The following KCNIP4 variants were observed in gnomAD, a reference collection of about 807,000 sequenced individuals.
KCNIP4 encodes potassium voltage-gated channel interacting protein 4, also known as Kv channel-interacting protein 4.
Under a neutral mutation model 34.0 loss-of-function variants are expected in KCNIP4, and 12 were observed. The observed-to-expected ratio is 0.35, with a 90% CI of 0.23 to 0.57. The LOEUF (loss-of-function observed/expected upper bound fraction) is 0.57. Among genes scored for constraint, KCNIP4 ranks in the 20% least tolerant of loss-of-function variants. The pLI, the probability that KCNIP4 is intolerant of heterozygous loss-of-function variation, is 0.83. For missense variants in KCNIP4, 238 were observed against 311.7 expected (o/e 0.76, Z 1.78); for synonymous variants, 124 against 102.2 (o/e 1.21, Z -1.29).
At chr4:21,905,348 A>C (rs1379624398) in intron 1 of KCNIP4, among the ~76,000 whole-genome samples, 1 of 152,170 alleles carries the variant, frequency 6.6e-6, no homozygotes, top group African/African-American at 2.4e-5. Flanking sequence ...GAGTTATGCC[A>C]GTTTGGGCTT....
At chr4:21,706,503 C>A (rs775048357) in intron 1 of KCNIP4, among the ~76,000 whole-genome samples, 1 of 152,104 alleles carries the variant, frequency 6.6e-6, no homozygotes, top group Non-Finnish European at 1.5e-5. Context: ...CTCCTAATTG[C>A]ATTTTGGAGG....
chr4:21,172,255 C>G (rs1034252855), intron 1 of KCNIP4, among the ~76,000 whole-genome samples: 1 of 152,200 alleles, frequency 6.6e-6, no homozygotes, highest in Non-Finnish European at 1.5e-5. Context: ...TGGTCTCAAA[C>G]ACCTGACCTC....
chr4:21,895,898 T>G (rs1253692965), intron 1 of KCNIP4, among the ~76,000 whole-genome samples: 1 of 152,182 alleles, frequency 6.6e-6, no homozygotes, highest in Admixed American at 6.5e-5. Flanking sequence ...CAAGGTGCCT[T>G]AATGTTGCTA....
At chr4:21,106,895 T>C (rs1748597094) in intron 1 of KCNIP4, among the ~76,000 whole-genome samples, 1 of 151,610 alleles carries the variant, frequency 6.6e-6, no homozygotes, top group African/African-American at 2.4e-5. Context: ...AGTTTCCATG[T>C]AGTTGAGCAG....
At chr4:20,889,767 CA>C (rs201346832) in intron 1 of KCNIP4, among the ~76,000 whole-genome samples, 22,059 of 113,840 alleles carry the variant, frequency 0.19, 1,540 homozygotes, top group East Asian at 0.28. Context: ...ACTGGAAGTT[CA>C]AAAAAAAAAA....
intron 1 of KCNIP4, among the ~76,000 whole-genome samples, chr4:21,524,495 T>G (rs1216246722): frequency 1.3e-5 from 2 of 152,200 alleles, no homozygotes; most frequent in Non-Finnish European, 2.9e-5. Flanking sequence ...GACTTTTTTT[T>G]CTTATGCTTC....
intron 1 of KCNIP4, among the ~76,000 whole-genome samples, chr4:21,792,000 C>CAAAAAAAAAAAAAAAAAAA (rs71193407): frequency 1.7e-5 from 1 of 59,748 alleles, no homozygotes; most frequent in African/African-American, 7.6e-5. Flanking sequence ...GACTCCGTCT[C>CAAAAAAAAAAAAAAAAAAA]AAAAAAAAAA....
Position 21,458,238 on chromosome 4 carries a change from G to A in KCNIP4, c.61+490333C>T, listed in dbSNP as rs192249151. Among the ~76,000 whole-genome samples, 36 of 147,872 alleles carry A rather than the reference G, an allele frequency of 2.4e-4. No individual in the cohort carries two copies. The East Asian group carries it at 4.8e-3, about 20-fold the overall frequency. On this transcript the variant is annotated intron_variant, in intron 1 of 8. Transcript: ENST00000382152. ...AATTCCCACCTATGAGTGAGAATAT[G>A]CGGTGTTTGGTTGTTTGTTCTTGCG...
chr4:21,758,005 G>A (rs573964932), intron 1 of KCNIP4, among the ~76,000 whole-genome samples: 1 of 152,102 alleles, frequency 6.6e-6, no homozygotes, highest in South Asian at 2.1e-4. Context: ...CTGCAAAATG[G>A]GTATGACAAT....
intron 1 of KCNIP4, among the ~76,000 whole-genome samples, chr4:21,284,568 T>G (rs1406352752): frequency 6.6e-6 from 1 of 151,912 alleles, no homozygotes; most frequent in East Asian, 1.9e-4. Flanking sequence ...TGTAGGAAGG[T>G]AAAAGAGGGG....
At chr4:21,527,285 G>T (rs1736047234) in intron 1 of KCNIP4, among the ~76,000 whole-genome samples, 1 of 152,102 alleles carries the variant, frequency 6.6e-6, no homozygotes, top group Non-Finnish European at 1.5e-5. Context: ...TTCTGATATT[G>T]TTCTACTCAT....
chr4:21,625,580 A>G (rs1176445814), intron 1 of KCNIP4, among the ~76,000 whole-genome samples: 1 of 152,142 alleles, frequency 6.6e-6, no homozygotes, highest in Admixed American at 6.6e-5. Flanking sequence ...AAAGCTGGTG[A>G]GCTACCCCAT....
intron 1 of KCNIP4, among the ~76,000 whole-genome samples, chr4:20,969,260 C>A (rs1273233437): frequency 1.3e-5 from 2 of 152,134 alleles, no homozygotes; most frequent in African/African-American, 4.8e-5. Context: ...GAAAGAAGAA[C>A]AGGAAAACTA....
chr4:21,421,177 A>G (rs1474300640), intron 1 of KCNIP4, among the ~76,000 whole-genome samples: 2 of 152,224 alleles, frequency 1.3e-5, no homozygotes, highest in African/African-American at 4.8e-5. Flanking sequence ...ACACTTGCAC[A>G]CTGTTGGTGG....
At chr4:21,018,653 C>T (rs1348143191) in intron 1 of KCNIP4, among the ~76,000 whole-genome samples, 3 of 152,104 alleles carry the variant, frequency 2.0e-5, no homozygotes, top group African/African-American at 4.8e-5. Context: ...TCCCTTCCCC[C>T]TCTCCTTCAC....
At position 21,371,669 on chromosome 4, in the gene KCNIP4, G is replaced by T. The variant is rs559481324; in HGVS notation, c.62-488960C>A. 6.2e-4 allele frequency among the ~76,000 whole-genome samples: 91 copies of T among 147,162 alleles called. 4 individuals carry two copies. In the South Asian group the frequency reaches 9.1e-3, roughly 15 times the overall value. ...TAGTTGTTATTCTATATAGCATCTT[G>T]GGAACCTGGAGAGGATGTAAGAGAT... On this transcript the variant is annotated intron_variant, in intron 1 of 8. Coordinates refer to ENST00000382152, the MANE Select transcript of KCNIP4 (RefSeq NM_025221.6).
At chr4:21,518,772 T>C (rs1358444660) in intron 1 of KCNIP4, among the ~76,000 whole-genome samples, 3 of 152,118 alleles carry the variant, frequency 2.0e-5, no homozygotes, top group Non-Finnish European at 4.4e-5. Context: ...CCACATAGGA[T>C]GTGGCCGAAC....
intron 1 of KCNIP4, among the ~76,000 whole-genome samples, chr4:21,182,574 A>G (rs1009978158): frequency 1.6e-4 from 24 of 151,966 alleles, no homozygotes; most frequent in Admixed American, 1.4e-3. Flanking sequence ...TGAATGGTGT[A>G]CATTGTACCC....
intron 1 of KCNIP4, among the ~76,000 whole-genome samples, chr4:21,325,658 C>A (rs73249550): frequency 0.2 from 30,618 of 151,624 alleles, 3,825 homozygotes; most frequent in Middle Eastern, 0.3. Flanking sequence ...TTTGCTCTTG[C>A]TCTTCTAGCT....
Sources: gnomAD v4.1 joint callset for allele counts (sites outside exome capture counted in the v4.1 genomes callset) on GRCh38, gnomAD v4.1.1 for gene constraint, MANE v1.5 for transcripts, NCBI Gene and HGNC (gene_info 2026-07-23, HGNC 2026-07-21) for gene names.